The following GAS2L3 variants were observed in gnomAD, a reference collection of about 807,000 sequenced individuals.
GAS2L3 encodes GAS2-like protein 3.
In GAS2L3, 28 loss-of-function variants were observed where a neutral mutation model predicts 37.0. The ratio of observed to expected loss-of-function variants is 0.76; its 90% CI spans 0.56 to 1.04. The LOEUF (loss-of-function observed/expected upper bound fraction) is 1.04, where lower values mean the gene tolerates loss of function less well. Among genes scored for constraint, GAS2L3 ranks in the 50% least tolerant of loss-of-function variants. GAS2L3 has a pLI of 0.00. For missense variants in GAS2L3, 793 were observed against 817.6 expected (o/e 0.97, Z 0.37); for synonymous variants, 290 against 296.6 (o/e 0.98, Z 0.23).
intron 1 of GAS2L3, chr12:100,579,356 G>C (rs1955679100): frequency 5.5e-6 from 4 of 725,800 alleles, no homozygotes; most frequent in Non-Finnish European, 2.4e-6. Context: ...AATAGTGTCT[G>C]TCATTCCTAA....
intron 3 of GAS2L3, among the ~76,000 whole-genome samples, chr12:100,599,414 A>G (rs1405309129): frequency 6.6e-6 from 1 of 152,158 alleles, no homozygotes; most frequent in Non-Finnish European, 1.5e-5. Context: ...TTCAGGTAGT[A>G]TTTCATGCTT....
At chr12:100,579,293 G>A (rs1356258814) in intron 1 of GAS2L3, 9 of 627,774 alleles carry the variant, frequency 1.4e-5, no homozygotes, top group South Asian at 7.4e-5. Flanking sequence ...TATCATTTGC[G>A]TTTCTTATAC....
At chr12:100,622,216 C>T (rs1956262917) in intron 8 of GAS2L3, 59 bp from the exon 9 acceptor site, 4 of 925,308 alleles carry the variant, frequency 4.3e-6, no homozygotes, top group South Asian at 3.1e-5. Flanking sequence ...AATAATATTA[C>T]ACTTTAAACA....
chr12:100,584,787 G>T (rs1404355538), intron 1 of GAS2L3, among the ~76,000 whole-genome samples: 1 of 151,362 alleles, frequency 6.6e-6, no homozygotes, highest in Non-Finnish European at 1.5e-5. Context: ...TGGCCAGGAT[G>T]GTCTTGATTT....
intron 1 of GAS2L3, among the ~76,000 whole-genome samples, chr12:100,578,086 GGTTC>G (rs1401655300): frequency 3.3e-5 from 5 of 152,210 alleles, no homozygotes; most frequent in Admixed American, 3.3e-4. Flanking sequence ...TTCTGGCTGT[GGTTC>G]ATGAAGAACA....
chr12:100,596,169 C>T (rs12816980), intron 3 of GAS2L3, among the ~76,000 whole-genome samples: 3,740 of 152,118 alleles, frequency 0.025, 59 homozygotes, highest in Non-Finnish European at 0.04. Flanking sequence ...TCTTATTCTT[C>T]CCCTTTGGGT....
intron 1 of GAS2L3, among the ~76,000 whole-genome samples, chr12:100,574,980 A>ATT (rs201675962): frequency 4.1e-5 from 6 of 146,754 alleles, no homozygotes; most frequent in African/African-American, 9.9e-5. Context: ...AGAAGTAGTA[A>ATT]TTTTTTTTTT....
Position 100,626,756 on chromosome 12 carries a change from T to A in GAS2L3, c.*1866T>A, listed in dbSNP as rs1440509815. 6.6e-6 allele frequency: 1 copy of A among 152,178 alleles called. No homozygotes were observed. Among genetic ancestry groups the A allele is most frequent in the African/African-American group, 2.4e-5 (1 of 41,440 alleles). The allele number at this position is 152,178 out of a possible 1,614,324, so 9.4% of individuals were successfully genotyped here. A position where few individuals can be genotyped will look rare whatever the true frequency, so the allele number is the denominator to read the frequency against. On this transcript the variant is annotated 3_prime_UTR_variant, in exon 10 of 10. Coordinates refer to ENST00000547754, the MANE Select transcript of GAS2L3 (RefSeq NM_174942.3). Reference sequence around the variant, plus strand: ...TAAACACTAAGTTTTGTGTTAAATGTGATCAGGAATAAAAGTATCCCACAG... The same window carrying A: ...TAAACACTAAGTTTTGTGTTAAATGAGATCAGGAATAAAAGTATCCCACAG...
chr12:100,608,025 T>C (rs896027722), intron 5 of GAS2L3, among the ~76,000 whole-genome samples: 4 of 152,166 alleles, frequency 2.6e-5, no homozygotes, highest in South Asian at 2.1e-4. Flanking sequence ...CTTTGCAGTC[T>C]GGACTTGTTG....
At chr12:100,613,248 T>C (rs1229910120) in intron 6 of GAS2L3, among the ~76,000 whole-genome samples, 1 of 152,226 alleles carries the variant, frequency 6.6e-6, no homozygotes, top group Non-Finnish European at 1.5e-5. Flanking sequence ...CTCACTCTCC[T>C]GAAGGTCAGT....
intron 1 of GAS2L3, among the ~76,000 whole-genome samples, chr12:100,578,179 C>A (rs1222527866): frequency 1.3e-5 from 2 of 152,106 alleles, no homozygotes; most frequent in Non-Finnish European, 2.9e-5. Flanking sequence ...AGAGGAGTGG[C>A]TGTAGGTATT....
intron 1 of GAS2L3, chr12:100,579,851 A>T: frequency 1.3e-6 from 1 of 743,666 alleles, no homozygotes; most frequent in Non-Finnish European, 2.5e-6. Context: ...AGTCAGGGGC[A>T]TTGCTGGCTC....
intron 5 of GAS2L3, among the ~76,000 whole-genome samples, chr12:100,603,817 G>A (rs1194469906): frequency 6.6e-6 from 1 of 152,082 alleles, no homozygotes; most frequent in Non-Finnish European, 1.5e-5. Context: ...TATGGTGAGA[G>A]ATAGGGGTCA....
intron 8 of GAS2L3, among the ~76,000 whole-genome samples, chr12:100,620,672 T>C (rs894483261): frequency 3.9e-5 from 6 of 152,046 alleles, no homozygotes; most frequent in African/African-American, 1.4e-4. Context: ...TCTACAGATA[T>C]CTTGGAAAAT....
rs754889274 is a variant in GAS2L3 at position 100,622,382 on chromosome 12, A to G, written c.756A>G (p.Arg252=). ...YRLGDKILFI[R]MLHGKHVMVR... Reference sequence around the variant, plus strand: ...TAGGGGATAAAATACTCTTTATAAGAGTAAGTCCATTATTTACACTTTATT... The same window carrying G: ...TAGGGGATAAAATACTCTTTATAAGGGTAAGTCCATTATTTACACTTTATT... The change falls in exon 9 of 10, where the codon AGA becomes AGG. Residue 252 remains arginine (R), a splice_region_variant and synonymous_variant. Coordinates refer to ENST00000547754, the MANE Select transcript of GAS2L3 (RefSeq NM_174942.3). The G allele has an allele frequency of 5.1e-6, 7 of 1,385,850 alleles. No homozygotes were observed. In the South Asian group the frequency reaches 6.0e-5, roughly 12 times the overall value. 85.8% of individuals were successfully genotyped at this position (1,385,850 alleles called of 1,614,324 possible).
At chr12:100,619,569 T>C (rs75287484) in intron 8 of GAS2L3, among the ~76,000 whole-genome samples, 47 of 152,186 alleles carry the variant, frequency 3.1e-4, no homozygotes, top group Non-Finnish European at 4.9e-4. Context: ...ATTAAGAACA[T>C]GTCAGAATGA....
chr12:100,588,074 T>TA (rs1955802653), intron 1 of GAS2L3, among the ~76,000 whole-genome samples: 1 of 151,826 alleles, frequency 6.6e-6, no homozygotes, highest in Non-Finnish European at 1.5e-5. Context: ...TAAAATAAAA[T>TA]AAAGGGCATC....
At chr12:100,577,750 A>G (rs537045568) in intron 1 of GAS2L3, among the ~76,000 whole-genome samples, 2 of 152,218 alleles carry the variant, frequency 1.3e-5, no homozygotes, top group Non-Finnish European at 2.9e-5. Flanking sequence ...CTATATCCCT[A>G]AATTGGGGAG....
At chr12:100,619,438 A>G (rs1354500218) in intron 8 of GAS2L3, among the ~76,000 whole-genome samples, 1 of 152,136 alleles carries the variant, frequency 6.6e-6, no homozygotes, top group African/African-American at 2.4e-5. Context: ...GGTTAAATAT[A>G]CAAAATTAAG....
Sources: gnomAD v4.1 joint callset for allele counts (sites outside exome capture counted in the v4.1 genomes callset) on GRCh38, gnomAD v4.1.1 for gene constraint, MANE v1.5 for transcripts, NCBI Gene and HGNC (gene_info 2026-07-23, HGNC 2026-07-21) for gene names.